The following MYO5A variants were observed in gnomAD, a reference collection of about 807,000 sequenced individuals.
The protein encoded by MYO5A is myosin VA.
Under a neutral mutation model 249.7 loss-of-function variants are expected in MYO5A, and 98 were observed. The observed-to-expected ratio is 0.39, with a 90% confidence interval of 0.33 to 0.46. MYO5A has a LOEUF of 0.46. Among genes scored for constraint, MYO5A ranks in the 20% least tolerant of loss-of-function variants. The probability of loss-of-function intolerance (pLI) is 0.98; values close to 1 mark genes in which losing one functional copy is unlikely to be tolerated. For synonymous variants in MYO5A, 778 were observed against 810.6 expected (o/e 0.96, Z 0.68); for missense variants, 1,696 against 2,308.8 (o/e 0.73, Z 5.44).
At chr15:52,462,328 A>T (rs553471341) in intron 1 of MYO5A, among the ~76,000 whole-genome samples, 1 of 152,238 alleles carries the variant, frequency 6.6e-6, no homozygotes, top group East Asian at 1.9e-4. Flanking sequence ...AATATTTTTA[A>T]ATATATACTA....
chr15:52,354,260 C>T (rs2040097177), intron 25 of MYO5A, among the ~76,000 whole-genome samples: 2 of 152,208 alleles, frequency 1.3e-5, no homozygotes, highest in African/African-American at 4.8e-5. Flanking sequence ...TAATGCTCTG[C>T]ATTAGCCACA....
chr15:52,345,066 C>T (rs1377676343), intron 30 of MYO5A, among the ~76,000 whole-genome samples: 3 of 152,208 alleles, frequency 2.0e-5, no homozygotes, highest in Non-Finnish European at 4.4e-5. Context: ...CACAGTCATC[C>T]TTCAATATCC....
chr15:52,378,621 A>C (rs1234626107), intron 18 of MYO5A, among the ~76,000 whole-genome samples: 1 of 151,546 alleles, frequency 6.6e-6, no homozygotes, highest in Non-Finnish European at 1.5e-5. Context: ...TCAAGGAAAA[A>C]ATATTATTAA....
chr15:52,458,895 AT>A (rs2076174541), intron 1 of MYO5A, among the ~76,000 whole-genome samples: 1 of 152,188 alleles, frequency 6.6e-6, no homozygotes, highest in Middle Eastern at 3.4e-3. Flanking sequence ...GGGCACAGGA[AT>A]TAGGAATCTC....
chr15:52,503,392 G>A (rs1292054054), intron 1 of MYO5A, among the ~76,000 whole-genome samples: 1 of 152,152 alleles, frequency 6.6e-6, no homozygotes, highest in Non-Finnish European at 1.5e-5. Flanking sequence ...GGAGGCCAAG[G>A]TGGGAGGATC....
At chr15:52,493,736 T>G (rs574111478) in intron 1 of MYO5A, among the ~76,000 whole-genome samples, 1 of 152,092 alleles carries the variant, frequency 6.6e-6, no homozygotes, top group South Asian at 2.1e-4. Flanking sequence ...CTAGAAGACA[T>G]TAGGCTCAGT....
At chr15:52,503,142 T>G (rs1279800549) in intron 1 of MYO5A, among the ~76,000 whole-genome samples, 1 of 152,232 alleles carries the variant, frequency 6.6e-6, no homozygotes, top group African/African-American at 2.4e-5. Flanking sequence ...AACTACAGGT[T>G]ACAATAATCT....
intron 1 of MYO5A, among the ~76,000 whole-genome samples, chr15:52,501,263 GC>G (rs2077153535): frequency 1.3e-5 from 2 of 151,980 alleles, no homozygotes; most frequent in South Asian, 4.1e-4. Flanking sequence ...GAGCCACCGC[GC>G]CCAGCCAGAA....
At chr15:52,346,082 C>A (rs2039610963) in intron 30 of MYO5A, among the ~76,000 whole-genome samples, 1 of 152,216 alleles carries the variant, frequency 6.6e-6, no homozygotes, top group Non-Finnish European at 1.5e-5. Flanking sequence ...AGGTAGTTTT[C>A]TTCTCAAGGC....
intron 1 of MYO5A, among the ~76,000 whole-genome samples, chr15:52,497,734 G>A (rs1440681342): frequency 1.0e-4 from 13 of 127,940 alleles, no homozygotes; most frequent in Non-Finnish European, 1.6e-4. Flanking sequence ...TCCAGCCTGG[G>A]CAACAGAGTG....
chr15:52,316,777 GTA>G (rs948772629), intron 40 of MYO5A, among the ~76,000 whole-genome samples: 3 of 152,200 alleles, frequency 2.0e-5, no homozygotes, highest in African/African-American at 7.2e-5. Flanking sequence ...GCCTATGGGT[GTA>G]TCCCAGTGCC....
At chr15:52,521,899 C>T (rs2077629906) in intron 1 of MYO5A, among the ~76,000 whole-genome samples, 1 of 152,166 alleles carries the variant, frequency 6.6e-6, no homozygotes, top group South Asian at 2.1e-4. Flanking sequence ...CAAAATTAAC[C>T]AAAGGGCATT....
chr15:52,478,830 C>T (rs2076654638), intron 1 of MYO5A, among the ~76,000 whole-genome samples: 2 of 152,160 alleles, frequency 1.3e-5, no homozygotes, highest in Admixed American at 1.3e-4. Context: ...TTTTAGCTCA[C>T]TCAAGCAACA....
chr15:52,368,036 T>C (rs1596353759), intron 22 of MYO5A, among the ~76,000 whole-genome samples: 1 of 152,182 alleles, frequency 6.6e-6, no homozygotes, highest in African/African-American at 2.4e-5. Context: ...ATAAAGTGTG[T>C]GCTTATGATG....
chr15:52,443,510 A>G (rs1282237275), intron 1 of MYO5A, among the ~76,000 whole-genome samples: 1 of 151,358 alleles, frequency 6.6e-6, no homozygotes, highest in Non-Finnish European at 1.5e-5. Flanking sequence ...TAGGAGTTCG[A>G]GACCAGCCTG....
chr15:52,376,359 T>C lies in MYO5A; in HGVS notation c.2408A>G (p.Tyr803Cys), dbSNP rs2041414365. ...AITMQRYVRGYQARCYAKFLR... is the reference protein window; with the variant it reads ...AITMQRYVRGCQARCYAKFLR... ...CCAGGAGACCTACCATCGGGCCTGGTAGCCCCGCACGTATCTCTGCATGGT... is the reference window on the plus strand; with the variant it reads ...CCAGGAGACCTACCATCGGGCCTGGCAGCCCCGCACGTATCTCTGCATGGT... The change falls in exon 19 of 42, where the codon TAC (tyrosine) becomes TGC (cysteine). Residue 803 changes from tyrosine to cysteine, a missense_variant. Coordinates refer to ENST00000399233, the MANE Select transcript of MYO5A (RefSeq NM_001382347.1). 9 of 1,613,902 alleles carry C rather than the reference T, an allele frequency of 5.6e-6. No homozygotes were observed. Among genetic ancestry groups the C allele is most frequent in the African/African-American group, 1.3e-5 (1 of 74,934 alleles).
intron 1 of MYO5A, among the ~76,000 whole-genome samples, chr15:52,452,224 C>T (rs1433266991): frequency 2.0e-5 from 3 of 151,912 alleles, no homozygotes; most frequent in Non-Finnish European, 2.9e-5. Context: ...CCCAGGGCCA[C>T]AGAGAAGTAT....
rs141187367 is a variant in MYO5A, at chr15:52,425,414, C to T, written c.455+416G>A. ...CTGCTCTGTGGCCCAGGTTGGAGTG[C>T]AGTGGCACAATCTCGGCTCACTGCA... is the stretch of plus-strand genomic sequence containing the variant. On this transcript the variant is annotated intron_variant, in intron 4 of 41. Transcript: ENST00000399233. Among the ~76,000 whole-genome samples the T allele has an allele frequency of 6.6e-4, 100 of 152,168 alleles. No homozygotes were observed. The East Asian group carries it at 0.018, about 27-fold the overall frequency.
At chr15:52,352,941 T>G (rs1037385544) in intron 27 of MYO5A, among the ~76,000 whole-genome samples, 1 of 152,202 alleles carries the variant, frequency 6.6e-6, no homozygotes, top group Non-Finnish European at 1.5e-5. Context: ...ATCAGATTCT[T>G]ATTGCTCATT....
Sources: gnomAD v4.1 joint callset for allele counts (sites outside exome capture counted in the v4.1 genomes callset) on GRCh38, gnomAD v4.1.1 for gene constraint, MANE v1.5 for transcripts, NCBI Gene and HGNC (gene_info 2026-07-23, HGNC 2026-07-21) for gene names.